USP11: variants seen among roughly 807,000 people sequenced by gnomAD.
USP11 encodes ubiquitin specific peptidase 11.
USP11 carries 5 observed loss-of-function variants against 72.8 expected under a neutral mutation model. That is an observed-to-expected ratio of 0.07 (90% confidence interval 0.04 to 0.14). The LOEUF is 0.14. USP11 is among the 10% of genes least tolerant of loss of function. The pLI is 1.00. For synonymous variants in USP11, 368 were observed against 326.5 expected (o/e 1.13, Z -1.37); for missense variants, 480 against 794.7 (o/e 0.60, Z 4.76).
chrX:47,238,711 C>T (rs1352756771), intron 1 of USP11, among the ~76,000 whole-genome samples: 3 of 110,738 alleles, frequency 2.7e-5, no homozygotes, highest in Non-Finnish European at 3.8e-5. Context: ...TGGCACATAT[C>T]TTGAGCCTAA....
At position 47,241,315 on chromosome X, in the gene USP11, C is replaced by T; in HGVS notation, c.885C>T (p.Leu295=). ...SNVPQLTEYF[L]NNCYLEELNF... ...TGCCACAGCTCACCGAGTACTTCCT[C>T]AACAACTGCTACCTGGAGGAGCTCA... Residue 295 remains leucine, a synonymous_variant, in exon 8 of 21, where the codon CTC becomes CTT. Coordinates refer to ENST00000377107, the MANE Select transcript of USP11 (RefSeq NM_001371072.1). 1.7e-6 allele frequency: 2 copies of T among 1,211,302 alleles called. No homozygotes were observed. Among genetic ancestry groups the T allele is most frequent in the Non-Finnish European group, 2.2e-6 (2 of 895,240 alleles).
At chrX:47,245,550 T>TC in intron 17 of USP11, 68 bp downstream of exon 17, 1 of 756,558 alleles carries the variant, frequency 1.3e-6, no homozygotes, top group South Asian at 2.7e-5. Context: ...TTAGCTTTTT[T>TC]TTTTTTTTTT....
chrX:47,233,028 A>G lies in USP11; in HGVS notation c.-16A>G. 3 of 1,211,727 alleles carry G rather than the reference A, an allele frequency of 2.5e-6. No homozygotes were observed. Among genetic ancestry groups the G allele is most frequent in the Non-Finnish European group, 3.4e-6 (3 of 895,464 alleles). ...TCTCGCACAGCTGCGTTGGCTGTAG[A>G]AGAGAACGGACGGCGATGGCGACGG... On this transcript the variant is annotated 5_prime_UTR_variant, in exon 1 of 21. Coordinates refer to ENST00000377107, the MANE Select transcript of USP11 (RefSeq NM_001371072.1).
intron 17 of USP11, among the ~76,000 whole-genome samples, chrX:47,245,809 G>C (rs180766188): frequency 2.5e-4 from 28 of 111,524 alleles, no homozygotes; most frequent in African/African-American, 8.5e-4. Flanking sequence ...CTTCCAAAGT[G>C]CTGGGATTAC....
intron 1 of USP11, among the ~76,000 whole-genome samples, chrX:47,235,081 C>T (rs907330598): frequency 3.6e-5 from 4 of 111,851 alleles, no homozygotes; most frequent in Non-Finnish European, 7.5e-5. Context: ...AGATTCAGAA[C>T]ACTGTCTTAA....
At chrX:47,243,295 A>T in intron 12 of USP11, 101 bp from the exon 13 acceptor site, 2 of 738,292 alleles carry the variant, frequency 2.7e-6, no homozygotes, top group Non-Finnish European at 3.9e-6. Context: ...AAAAATAAAA[A>T]TGCCTTCAGG....
intron 9 of USP11, 107 bp downstream of exon 9, chrX:47,241,806 T>G: frequency 1.0e-6 from 1 of 958,650 alleles, no homozygotes; most frequent in Non-Finnish European, 1.4e-6. Flanking sequence ...TTCTGTTAAG[T>G]TTCTCTACCT....
chrX:47,233,524 T>C, intron 1 of USP11: 1 of 929,812 alleles, frequency 1.1e-6, no homozygotes, highest in Non-Finnish European at 1.3e-6. Context: ...CGTAGGAACC[T>C]GGGAAGAAGG....
intron 1 of USP11, among the ~76,000 whole-genome samples, chrX:47,234,187 C>T (rs1287734232): frequency 1.8e-5 from 2 of 110,862 alleles, no homozygotes; most frequent in African/African-American, 6.6e-5. Context: ...TGACGGACAT[C>T]CTGTTAAAAT....
intron 1 of USP11, among the ~76,000 whole-genome samples, chrX:47,238,187 C>CTTTT (rs756979418): frequency 4.7e-5 from 4 of 84,360 alleles, no homozygotes; most frequent in Admixed American, 1.3e-4. Context: ...ATATGCAGTT[C>CTTTT]TTTTTTTTTT....
At position 47,237,813 on chromosome X, in the gene USP11, T is replaced by C. The variant is rs771337274; in HGVS notation, c.177-1257T>C. Among the ~76,000 whole-genome samples, 5 of 106,599 alleles carry C rather than the reference T, an allele frequency of 4.7e-5. No homozygotes were observed. In the South Asian group the frequency reaches 2.0e-3, roughly 42 times the overall value. 92.6% of individuals were successfully genotyped at this position (106,599 alleles called of 115,157 possible). A position where few individuals can be genotyped will look rare whatever the true frequency, so the allele number is the denominator to read the frequency against. The stretch of plus-strand genomic sequence containing the variant: ...GTGTGTGTGTGTGTGTGTGTGTGTG[T>C]GTGTGTGTGTGTGTTTAGGCAGGAG... On this transcript the variant is annotated intron_variant, in intron 1 of 20. Transcript: ENST00000377107.
intron 16 of USP11, 121 bp from the exon 17 acceptor site, chrX:47,245,249 C>T: frequency 1.1e-6 from 1 of 922,817 alleles, no homozygotes; most frequent in Non-Finnish European, 1.5e-6. Context: ...CCTGAGGTTC[C>T]TAGCTTCAAA....
Position 47,247,669 on chromosome X carries a change from C to T in USP11, c.2595C>T (p.Ser865=), listed in dbSNP as rs748477848. The T allele has an allele frequency of 1.7e-6, 2 of 1,211,152 alleles. No individual in the cohort carries two copies. The highest frequency in any genetic ancestry group is 2.2e-6 in the Non-Finnish European group (2 of 895,291). Residue 865 remains serine (S), a synonymous_variant, in exon 20 of 21, where the codon AGC becomes AGT. Coordinates refer to ENST00000377107, the MANE Select transcript of USP11 (RefSeq NM_001371072.1). ...AGTGGCACTACTTTGATGACAACAG[C>T]GTCTCCCCTGTCAATGAGAATCAGA... ...SGQWHYFDDN[S]VSPVNENQIE... is the part of the protein sequence containing the mutation.
intron 2 of USP11, 41 bp downstream of exon 2, chrX:47,239,220 TC>T: frequency 1.4e-5 from 17 of 1,180,906 alleles, no homozygotes; most frequent in Non-Finnish European, 1.8e-5. Flanking sequence ...GCCCTGGAGT[TC>T]TTGTCCCTTC....
intron 1 of USP11, chrX:47,233,526 G>A: frequency 3.2e-6 from 3 of 928,898 alleles, no homozygotes; most frequent in Non-Finnish European, 4.0e-6. Context: ...TAGGAACCTG[G>A]GAAGAAGGTG....
chrX:47,242,076 C>T lies in USP11; in HGVS notation c.1180-6C>T. On this transcript the variant is annotated splice_region_variant and splice_polypyrimidine_tract_variant and intron_variant, in intron 9 of 20. Coordinates refer to ENST00000377107, the MANE Select transcript of USP11 (RefSeq NM_001371072.1). ...GCCCCACCACCCACCATGACACTAT[C>T]AACAGGAGGTGGCACAGGAGGCATG... 1 of 1,207,576 alleles carries T rather than the reference C, an allele frequency of 8.3e-7. No homozygotes were observed.
intron 1 of USP11, among the ~76,000 whole-genome samples, chrX:47,235,576 G>C (rs1280308057): frequency 9.1e-6 from 1 of 109,950 alleles, no homozygotes. Context: ...CTTGCATTCT[G>C]ATGTCTTCCC....
rs3747465 is a variant in USP11 at position 47,244,577 on chromosome X, G to T, written c.1843+27G>T. The T allele has an allele frequency of 5.5e-4, 670 of 1,207,660 alleles. 12 individuals are homozygous for T. In the East Asian group the frequency reaches 0.018, roughly 33 times the overall value. On this transcript the variant is annotated intron_variant, in intron 14 of 20. Transcript: ENST00000377107. ...TGAGGGGGCTAACAGTCAGTGGGCGGGGGCTCTGGGTTAGGTCTGACCCAC... is the reference window on the plus strand; with the variant it reads ...TGAGGGGGCTAACAGTCAGTGGGCGTGGGCTCTGGGTTAGGTCTGACCCAC...
At chrX:47,246,766 A>T (rs2055435459) in intron 17 of USP11, among the ~76,000 whole-genome samples, 1 of 111,067 alleles carries the variant, frequency 9.0e-6, no homozygotes, top group Admixed American at 9.6e-5. Context: ...CATGCCTGTC[A>T]TCCGAGTACC....
Sources: gnomAD v4.1 joint callset for allele counts (sites outside exome capture counted in the v4.1 genomes callset) on GRCh38, gnomAD v4.1.1 for gene constraint, MANE v1.5 for transcripts, NCBI Gene and HGNC (gene_info 2026-07-23, HGNC 2026-07-21) for gene names.